The following RPS6KC1 variants were observed in gnomAD, a reference collection of about 807,000 sequenced individuals.
The protein encoded by RPS6KC1 is ribosomal protein S6 kinase C1.
RPS6KC1 carries 54 observed loss-of-function variants against 103.8 expected under a neutral mutation model. The ratio of observed to expected loss-of-function variants is 0.52; its 90% CI spans 0.42 to 0.65. The LOEUF (loss-of-function observed/expected upper bound fraction) is 0.65. RPS6KC1 is among the 30% of genes least tolerant of loss of function. RPS6KC1 has a pLI of 0.00. For missense variants in RPS6KC1, 1,151 were observed against 1,253.8 expected, an observed-to-expected ratio of 0.92 and a Z score of 1.24; for synonymous variants, 439 against 438.7, an observed-to-expected ratio of 1.00 and a Z score of -0.01.
the RPS6KC1 span, among the ~76,000 whole-genome samples, chr1:213,843,782 A>G: frequency 6.6e-6 from 1 of 152,214 alleles, no homozygotes; most frequent in Non-Finnish European, 1.5e-5. Flanking sequence ...TAAGAGAAAG[A>G]TGATTTTCTT....
At chr1:213,205,422 G>A in intron 8 of RPS6KC1, 3 of 970,844 alleles carry the variant, frequency 3.1e-6, no homozygotes, top group Non-Finnish European at 3.7e-6. Flanking sequence ...TCACTATGAT[G>A]TGGATGGTGG....
intron 8 of RPS6KC1, among the ~76,000 whole-genome samples, chr1:213,225,483 G>C (rs1425006486): frequency 6.6e-6 from 1 of 152,070 alleles, no homozygotes; most frequent in African/African-American, 2.4e-5. Context: ...TCCGCCTCCT[G>C]ATTCAAGTGA....
At chr1:213,855,572 A>G in the RPS6KC1 span, among the ~76,000 whole-genome samples, 1 of 152,136 alleles carries the variant, frequency 6.6e-6, no homozygotes, top group Non-Finnish European at 1.5e-5. Context: ...TCTCTTCTCC[A>G]GGGGGCTTGT....
intron 10 of RPS6KC1, among the ~76,000 whole-genome samples, chr1:213,240,011 T>C (rs2094314663): frequency 6.6e-6 from 1 of 152,168 alleles, no homozygotes; most frequent in South Asian, 2.1e-4. Flanking sequence ...AAGTGATTTT[T>C]ATGATTTTAG....
chr1:213,688,280 TCTTGG>T, the RPS6KC1 span, among the ~76,000 whole-genome samples: 3 of 152,176 alleles, frequency 2.0e-5, no homozygotes. Context: ...CCTCTAGTTG[TCTTGG>T]CTTTATCCTA....
At chr1:213,832,491 T>G in the RPS6KC1 span, 1 of 152,248 alleles carries the variant, frequency 6.6e-6, no homozygotes, top group Non-Finnish European at 1.5e-5. Context: ...CACATGCTGT[T>G]GTACCACTGA....
At chr1:213,654,357 T>TA in the RPS6KC1 span, among the ~76,000 whole-genome samples, 8 of 152,126 alleles carry the variant, frequency 5.3e-5, no homozygotes, top group Non-Finnish European at 7.4e-5. Context: ...TTTCAAATGA[T>TA]AAAAAAAGGG....
chr1:213,259,339 C>T (rs1258006889), intron 12 of RPS6KC1, among the ~76,000 whole-genome samples: 6 of 152,160 alleles, frequency 3.9e-5, no homozygotes, highest in Non-Finnish European at 8.8e-5. Flanking sequence ...GCGGGTGGAT[C>T]GCCTGAGCTC....
intron 6 of RPS6KC1, among the ~76,000 whole-genome samples, chr1:213,139,314 ATAGT>A (rs2086746207): frequency 6.6e-6 from 1 of 151,974 alleles, no homozygotes; most frequent in Non-Finnish European, 1.5e-5. Flanking sequence ...TATTCTGTTG[ATAGT>A]TTGTTTTGCT....
At chr1:213,616,291 C>G in the RPS6KC1 span, among the ~76,000 whole-genome samples, 2 of 152,180 alleles carry the variant, frequency 1.3e-5, no homozygotes, top group South Asian at 2.1e-4. Flanking sequence ...GGGGGCTGAG[C>G]TGGTCAGGCG....
At chr1:213,778,931 C>T in the RPS6KC1 span, among the ~76,000 whole-genome samples, 4 of 152,072 alleles carry the variant, frequency 2.6e-5, no homozygotes, top group Admixed American at 1.3e-4. Context: ...GTTAAGGGCT[C>T]CTGAGGCTCC....
At chr1:213,667,223 G>A in the RPS6KC1 span, among the ~76,000 whole-genome samples, 5 of 152,164 alleles carry the variant, frequency 3.3e-5, no homozygotes, top group African/African-American at 7.2e-5. Flanking sequence ...ACAGCAGAGG[G>A]AAAATGGGAG....
At position 213,185,904 on chromosome 1, in the gene RPS6KC1, A is replaced by G. The variant is rs149765883; in HGVS notation, c.1044+9412A>G. 4.6e-5 allele frequency among the ~76,000 whole-genome samples: 7 copies of G among 151,548 alleles called. 1 individual carries two copies. The highest frequency in any genetic ancestry group is 1.7e-4 in the African/African-American group (7 of 41,382). On this transcript the variant is annotated intron_variant, in intron 8 of 14. Coordinates refer to ENST00000366960, the MANE Select transcript of RPS6KC1 (RefSeq NM_012424.6). ...TTTTGTGCTGTGGTTGCCAGTTACCATGAGGCTTACAAAAAATATCTTACA... is the reference window on the plus strand; with the variant it reads ...TTTTGTGCTGTGGTTGCCAGTTACCGTGAGGCTTACAAAAAATATCTTACA...
intron 6 of RPS6KC1, among the ~76,000 whole-genome samples, chr1:213,159,040 C>A (rs2090200767): frequency 6.6e-6 from 1 of 151,980 alleles, no homozygotes; most frequent in South Asian, 2.1e-4. Flanking sequence ...ATATGCAAAA[C>A]AGTATGTTTT....
At chr1:213,760,925 C>T in the RPS6KC1 span, among the ~76,000 whole-genome samples, 2 of 139,928 alleles carry the variant, frequency 1.4e-5, no homozygotes, top group Admixed American at 7.4e-5. Flanking sequence ...TGATGATCAT[C>T]GCATTTGGGG....
At chr1:213,057,845 C>T (rs903183183) in intron 1 of RPS6KC1, among the ~76,000 whole-genome samples, 2 of 139,104 alleles carry the variant, frequency 1.4e-5, no homozygotes, top group South Asian at 2.4e-4. Context: ...CTCACTGTAG[C>T]CTTGACCTCC....
At chr1:213,859,222 G>A in the RPS6KC1 span, among the ~76,000 whole-genome samples, 16 of 152,288 alleles carry the variant, frequency 1.1e-4, no homozygotes, top group South Asian at 1.4e-3. Flanking sequence ...GCATATGTCC[G>A]GGGCCTGAGA....
intron 1 of RPS6KC1, among the ~76,000 whole-genome samples, chr1:213,055,913 T>A (rs113317840): frequency 0.034 from 5,192 of 152,278 alleles, 122 homozygotes; most frequent in Middle Eastern, 0.054. Context: ...TATTTATTGA[T>A]CTTTTTCAGA....
At chr1:213,773,631 G>A in the RPS6KC1 span, among the ~76,000 whole-genome samples, 2 of 151,624 alleles carry the variant, frequency 1.3e-5, no homozygotes, top group Non-Finnish European at 2.9e-5. Flanking sequence ...TGTTTGTGGT[G>A]ACTGGCAAGT....
Sources: allele counts gnomAD v4.1 joint callset (sites outside exome capture counted in the v4.1 genomes callset), GRCh38; gene constraint gnomAD v4.1.1; transcripts MANE v1.5; gene names NCBI Gene and HGNC (gene_info 2026-07-23, HGNC 2026-07-21).